BBS9: variants seen among roughly 807,000 people sequenced by gnomAD.
BBS9 encodes Bardet-Biedl syndrome 9.
Under a neutral mutation model 117.7 loss-of-function variants are expected in BBS9, and 89 were observed. The observed-to-expected ratio is 0.76, with a 90% confidence interval of 0.64 to 0.90. The LOEUF (loss-of-function observed/expected upper bound fraction) is 0.90. BBS9 is among the 40% of genes least tolerant of loss of function. The pLI is 0.00. For missense variants in BBS9, 982 were observed against 1,042.2 expected, an observed-to-expected ratio of 0.94 and a Z score of 0.80; for synonymous variants, 379 against 370.9, an observed-to-expected ratio of 1.02 and a Z score of -0.25.
At position 33,349,168 on chromosome 7, in the gene BBS9, T is replaced by C. The variant is rs1818159574; in HGVS notation, c.1430T>C (p.Met477Thr). Residue 477 changes from methionine to threonine, a missense_variant and splice_region_variant, in exon 13 of 23, where the codon ATG becomes ACG. By Grantham distance (81) the Met-to-Thr change is moderately conservative. Coordinates refer to ENST00000242067, the MANE Select transcript of BBS9 (RefSeq NM_198428.3). ...LTCDQFTFEF[M>T]TPDLTRTVSF... Reference sequence around the variant, plus strand: ...TGTGATCAGTTCACCTTTGAATTTATGAGTAAGTTTTTTGTTTTGGCTGAA... The same window carrying C: ...TGTGATCAGTTCACCTTTGAATTTACGAGTAAGTTTTTTGTTTTGGCTGAA... 6.2e-7 allele frequency: 1 copy of C among 1,607,580 alleles called. No homozygotes were observed. Among genetic ancestry groups the C allele is most frequent in the Non-Finnish European group, 8.5e-7 (1 of 1,174,318 alleles).
intron 7 of BBS9, among the ~76,000 whole-genome samples, chr7:33,267,405 A>G (rs987651334): frequency 3.3e-5 from 5 of 151,546 alleles, no homozygotes; most frequent in African/African-American, 4.9e-5. Context: ...TTATTTATCT[A>G]TATGTCTGTC....
At chr7:33,495,998 G>C (rs1378000135) in intron 19 of BBS9, among the ~76,000 whole-genome samples, 1 of 152,112 alleles carries the variant, frequency 6.6e-6, no homozygotes, top group Non-Finnish European at 1.5e-5. Context: ...GTGTGGATTG[G>C]TGTCCGGGAT....
chr7:33,248,792 T>C lies in BBS9; in HGVS notation c.443-8444T>C, dbSNP rs115833291. On this transcript the variant is annotated intron_variant, in intron 5 of 22. Coordinates refer to ENST00000242067, the MANE Select transcript of BBS9 (RefSeq NM_198428.3). The stretch of plus-strand genomic sequence containing the variant: ...AAATGAGCGGAAGTTCCACAGACTT[T>C]TGGACTCTTCTGTTCTTATGCATCA... Among the ~76,000 whole-genome samples the C allele has an allele frequency of 2.1e-3, 318 of 152,290 alleles. 1 individual carries two copies. Among genetic ancestry groups the C allele is most frequent in the African/African-American group, 7.3e-3 (302 of 41,564 alleles).
chr7:33,613,357 G>A (rs552774161), intron 21 of BBS9, among the ~76,000 whole-genome samples: 10 of 152,070 alleles, frequency 6.6e-5, no homozygotes, highest in Admixed American at 1.3e-4. Context: ...CTTGATTAAC[G>A]TCTTTTATAA....
In BBS9 at chr7:33,461,992, A is replaced by G. The variant is rs545830928; in HGVS notation, c.2116-43471A>G. Among the ~76,000 whole-genome samples, 302 of 152,120 alleles carry G rather than the reference A, an allele frequency of 2.0e-3. 2 individuals are homozygous for G. The highest frequency in any genetic ancestry group is 1.9e-3 in the Non-Finnish European group (129 of 67,924). On this transcript the variant is annotated intron_variant, in intron 19 of 22. Coordinates refer to ENST00000242067, the MANE Select transcript of BBS9 (RefSeq NM_198428.3). ...TGCTGGTGAAGCTAATTCTTCCCATATCTAAGGTCGTTTTAATTTCATTTC... is the reference window on the plus strand; with the variant it reads ...TGCTGGTGAAGCTAATTCTTCCCATGTCTAAGGTCGTTTTAATTTCATTTC...
chr7:33,195,504 G>A (rs1784795897), intron 5 of BBS9, among the ~76,000 whole-genome samples: 1 of 151,982 alleles, frequency 6.6e-6, no homozygotes, highest in South Asian at 2.1e-4. Flanking sequence ...TCAATATGCT[G>A]GTGATGCAGC....
At chr7:33,279,118 G>T (rs539443581) in intron 9 of BBS9, among the ~76,000 whole-genome samples, 1 of 152,258 alleles carries the variant, frequency 6.6e-6, no homozygotes, top group South Asian at 2.1e-4. Flanking sequence ...GCTTACTTCA[G>T]CCTTGAACTT....
chr7:33,311,733 C>T (rs1219931537), intron 9 of BBS9, among the ~76,000 whole-genome samples: 3 of 151,974 alleles, frequency 2.0e-5, no homozygotes, highest in Admixed American at 2.0e-4. Context: ...AGGATAATCG[C>T]TTGAACCTGA....
chr7:33,308,381 T>C (rs1250881798), intron 9 of BBS9, among the ~76,000 whole-genome samples: 3 of 152,194 alleles, frequency 2.0e-5, no homozygotes, highest in African/African-American at 4.8e-5. Flanking sequence ...AAAGTTGATT[T>C]ATCAAGATTA....
At chr7:33,595,479 A>G (rs1050754525) in intron 21 of BBS9, among the ~76,000 whole-genome samples, 3 of 152,216 alleles carry the variant, frequency 2.0e-5, no homozygotes, top group African/African-American at 7.2e-5. Context: ...TCAAAACTAC[A>G]ATGAGATACC....
intron 21 of BBS9, among the ~76,000 whole-genome samples, chr7:33,565,626 A>G (rs914671890): frequency 2.6e-5 from 4 of 151,060 alleles, no homozygotes; most frequent in African/African-American, 9.7e-5. Context: ...GGTTGTGGGT[A>G]TTGTCTTGCC....
chr7:33,572,443 T>C (rs930538833), intron 21 of BBS9, among the ~76,000 whole-genome samples: 32 of 152,142 alleles, frequency 2.1e-4, no homozygotes, highest in African/African-American at 7.7e-4. Context: ...TTTCCTTTCT[T>C]TTGGATATAT....
intron 21 of BBS9, among the ~76,000 whole-genome samples, chr7:33,571,710 C>T (rs986306758): frequency 6.6e-6 from 1 of 152,008 alleles, no homozygotes; most frequent in African/African-American, 2.4e-5. Flanking sequence ...AAGGTACACT[C>T]AACTTCCATG....
chr7:33,275,100 A>AT (rs1280792033), intron 9 of BBS9, among the ~76,000 whole-genome samples: 1 of 143,564 alleles, frequency 7.0e-6, no homozygotes, highest in Non-Finnish European at 1.5e-5. Flanking sequence ...TGAGTGTAAT[A>AT]TTATTGTTGA....
At chr7:33,223,919 G>C (rs1367350620) in intron 5 of BBS9, among the ~76,000 whole-genome samples, 1 of 152,020 alleles carries the variant, frequency 6.6e-6, no homozygotes, top group Non-Finnish European at 1.5e-5. Flanking sequence ...CTTTATAGTT[G>C]GTAAATGTTT....
rs564170382 is a variant in BBS9, at chr7:33,485,426, C to T, written c.2116-20037C>T. Among the ~76,000 whole-genome samples the T allele has an allele frequency of 3.8e-3, 575 of 151,252 alleles. 1 individual carries two copies. The highest frequency in any genetic ancestry group is 6.3e-3 in the Non-Finnish European group (426 of 67,936). On this transcript the variant is annotated intron_variant, in intron 19 of 22. Coordinates refer to ENST00000242067, the MANE Select transcript of BBS9 (RefSeq NM_198428.3). ...CCGGGTTCATGCCATTCTCCTGCCTCAGCCTCCCGAGTAGCTGGGACTACA... is the reference window on the plus strand; with the variant it reads ...CCGGGTTCATGCCATTCTCCTGCCTTAGCCTCCCGAGTAGCTGGGACTACA...
chr7:33,529,561 G>C (rs2129054178), intron 20 of BBS9, among the ~76,000 whole-genome samples: 1 of 152,254 alleles, frequency 6.6e-6, no homozygotes, highest in Middle Eastern at 3.4e-3. Flanking sequence ...AGATAAAGTA[G>C]TGTAACATGC....
At chr7:33,384,268 T>G (rs2128749630) in intron 18 of BBS9, among the ~76,000 whole-genome samples, 1 of 152,364 alleles carries the variant, frequency 6.6e-6, no homozygotes, top group African/African-American at 2.4e-5. Flanking sequence ...GAATGAGGGT[T>G]AACACTTAAA....
chr7:33,306,409 T>A (rs571055757), intron 9 of BBS9, among the ~76,000 whole-genome samples: 1 of 152,224 alleles, frequency 6.6e-6, no homozygotes, highest in Admixed American at 6.5e-5. Flanking sequence ...AAGTCTCTCA[T>A]AGTCAGTCCT....
Sources: allele counts gnomAD v4.1 joint callset (sites outside exome capture counted in the v4.1 genomes callset), GRCh38; gene constraint gnomAD v4.1.1; transcripts MANE v1.5; gene names NCBI Gene and HGNC (gene_info 2026-07-23, HGNC 2026-07-21).